The following STAT3 variants were observed in gnomAD, a reference collection of about 807,000 sequenced individuals.
STAT3 encodes the protein signal transducer and activator of transcription 3.
STAT3 carries 7 observed loss-of-function variants against 114.3 expected under a neutral mutation model. The ratio of observed to expected loss-of-function variants is 0.06; its 90% confidence interval spans 0.03 to 0.11. The LOEUF is 0.11. STAT3 is among the 10% of genes least tolerant of loss of function. The probability of loss-of-function intolerance (pLI) is 1.00; values close to 1 mark genes in which losing one functional copy is unlikely to be tolerated. For missense variants in STAT3, 364 were observed against 960.9 expected (o/e 0.38, Z 8.21); for synonymous variants, 331 against 354.5 (o/e 0.93, Z 0.74).
intron 20 of STAT3, among the ~76,000 whole-genome samples, chr17:42,322,712 A>C (rs1489897862): frequency 1.3e-5 from 2 of 152,274 alleles, no homozygotes; most frequent in African/African-American, 4.8e-5. Flanking sequence ...ATAAACTTGA[A>C]TATAACTACT....
intron 15 of STAT3, 73 bp from the exon 16 acceptor site, chr17:42,325,134 TC>T: frequency 3.5e-6 from 5 of 1,418,640 alleles, no homozygotes; most frequent in Non-Finnish European, 5.0e-6. Context: ...TTCACCCGCA[TC>T]TCACGGGGCT....
At chr17:42,332,329 G>A (rs539255565) in intron 10 of STAT3, among the ~76,000 whole-genome samples, 1 of 151,098 alleles carries the variant, frequency 6.6e-6, no homozygotes, top group Non-Finnish European at 1.5e-5. Context: ...CACAAGGTCA[G>A]GAGTTCGAGA....
intron 1 of STAT3, among the ~76,000 whole-genome samples, chr17:42,350,707 A>T (rs1227527598): frequency 6.6e-6 from 1 of 152,216 alleles, no homozygotes; most frequent in Non-Finnish European, 1.5e-5. Context: ...TCAAGCATAT[A>T]TTCAGGGAAG....
chr17:42,325,394 A>AT (rs2081661249), intron 15 of STAT3, among the ~76,000 whole-genome samples: 1 of 152,114 alleles, frequency 6.6e-6, no homozygotes, highest in Non-Finnish European at 1.5e-5. Context: ...TCTTCACATG[A>AT]AACAGGGAGG....
At position 42,337,033 on chromosome 17, in the gene STAT3, C is replaced by T. The variant is rs963636129; in HGVS notation, c.797+402G>A. Among the ~76,000 whole-genome samples the T allele has an allele frequency of 4.0e-5, 6 of 151,776 alleles. No homozygotes were observed. Among genetic ancestry groups the T allele is most frequent in the South Asian group, 2.1e-4 (1 of 4,812 alleles). On this transcript the variant is annotated intron_variant, in intron 8 of 23. Coordinates refer to ENST00000264657, the MANE Select transcript of STAT3 (RefSeq NM_139276.3). This position sits in a 1 kb window ranked among gnomAD's most constrained non-coding sequence, Gnocchi z 4.0. ...TCTGTCTCCCAGGCTGGTTGGTGTG[C>T]GGTAGTAAGATCTCCGCTCACTGCA...
At chr17:42,359,426 T>G (rs1288387373) in intron 1 of STAT3, among the ~76,000 whole-genome samples, 2 of 152,026 alleles carry the variant, frequency 1.3e-5, no homozygotes, top group Non-Finnish European at 2.9e-5. Flanking sequence ...GCATGTTAAT[T>G]TAAGGAGAGA....
chr17:42,316,796 C>T lies in STAT3; in HGVS notation c.2250G>A (p.Gly750=), dbSNP rs1382657069. The part of the protein sequence containing the change: ...NGEGAEPSAG[G]QFESLTFDME... Reference sequence around the variant, plus strand: ...TGTCAACCAAATACTCACCAAACTGCCCTCCTGCTGAGGGTTCAGCACCTT... The same window carrying T: ...TGTCAACCAAATACTCACCAAACTGTCCTCCTGCTGAGGGTTCAGCACCTT... The change falls in exon 23 of 24, where the codon GGG becomes GGA. Residue 750 remains glycine (G), a synonymous_variant. Coordinates refer to ENST00000264657, the MANE Select transcript of STAT3 (RefSeq NM_139276.3). 2 of 1,613,846 alleles carry T rather than the reference C, an allele frequency of 1.2e-6. No individual in the cohort carries two copies. The highest frequency in any genetic ancestry group is 3.3e-4 in the Middle Eastern group (2 of 6,062).
At chr17:42,370,391 G>A (rs1053336479) in intron 1 of STAT3, among the ~76,000 whole-genome samples, 13 of 151,156 alleles carry the variant, frequency 8.6e-5, no homozygotes, top group East Asian at 2.0e-4. Context: ...GATTACAGGC[G>A]CCTGCCACCA....
intron 1 of STAT3, among the ~76,000 whole-genome samples, chr17:42,381,568 A>AT (rs894429210): frequency 1.3e-5 from 2 of 149,684 alleles, no homozygotes; most frequent in African/African-American, 2.4e-5. Flanking sequence ...TACTAAAAAT[A>AT]TAAAAAAAAA....
intron 1 of STAT3, among the ~76,000 whole-genome samples, chr17:42,366,071 T>C (rs2083772180): frequency 6.6e-6 from 1 of 152,214 alleles, no homozygotes; most frequent in Non-Finnish European, 1.5e-5. Context: ...TTTATGTCTC[T>C]AGCCCCATCC....
chr17:42,382,642 CCTT>C (rs2084863221), intron 1 of STAT3, among the ~76,000 whole-genome samples: 1 of 151,582 alleles, frequency 6.6e-6, no homozygotes, highest in Non-Finnish European at 1.5e-5. Flanking sequence ...TTGCGGTAAT[CCTT>C]TTTTTTTTCT....
At chr17:42,320,899 G>A (rs1455793170) in intron 21 of STAT3, among the ~76,000 whole-genome samples, 1 of 151,848 alleles carries the variant, frequency 6.6e-6, no homozygotes, top group African/African-American at 2.4e-5. Flanking sequence ...CCACACTGAG[G>A]ACAGCTGCAG....
chr17:42,382,376 A>C (rs2084847562), intron 1 of STAT3, among the ~76,000 whole-genome samples: 1 of 152,156 alleles, frequency 6.6e-6, no homozygotes, highest in African/African-American at 2.4e-5. Context: ...TACAGATAAG[A>C]AAATAGAGGC....
chr17:42,371,676 CAAAAAA>C (rs71359559), intron 1 of STAT3, among the ~76,000 whole-genome samples: 1 of 91,010 alleles, frequency 1.1e-5, no homozygotes, highest in African/African-American at 4.4e-5. Context: ...AACTCTGTCT[CAAAAAA>C]AAAAAAAAAA....
rs761802498 is a variant in STAT3, at chr17:42,316,886, A to G, written c.2160T>C (p.Asn720=). 6.2e-7 allele frequency: 1 copy of G among 1,611,986 alleles called. No homozygotes were observed. The highest frequency in any genetic ancestry group is 1.7e-5 in the Admixed American group (1 of 59,710). ...GGGGGGACATCGGCAGGTCAATGGT[A>G]TTGCTGCAGGTCGTTCTGTAGGAAA... ...FICVTPTTCS[N]TIDLPMSPRT... The change falls in exon 23 of 24, where the codon AAT becomes AAC. Residue 720 remains asparagine, a synonymous_variant. Coordinates refer to ENST00000264657, the MANE Select transcript of STAT3 (RefSeq NM_139276.3).
chr17:42,336,507 A>C (rs2082235323), intron 8 of STAT3, among the ~76,000 whole-genome samples: 1 of 152,068 alleles, frequency 6.6e-6, no homozygotes, highest in African/African-American at 2.4e-5. Context: ...CTAAGGTGGG[A>C]AGACTGCCTG....
intron 21 of STAT3, among the ~76,000 whole-genome samples, chr17:42,319,316 A>T (rs533431002): frequency 8.5e-4 from 130 of 152,100 alleles, no homozygotes; most frequent in African/African-American, 3.0e-3. Context: ...CCCAGGCGGG[A>T]AGATCACTTG....
intron 4 of STAT3, chr17:42,345,328 T>G (rs1240626782): frequency 5.7e-6 from 3 of 524,160 alleles, no homozygotes; most frequent in Non-Finnish European, 1.0e-5. Flanking sequence ...TTTAAACCAT[T>G]GGGTCTGTTG....
At chr17:42,317,135 T>C in intron 22 of STAT3, 47 bp downstream of exon 22, 4 of 1,613,146 alleles carry the variant, frequency 2.5e-6, no homozygotes, top group Non-Finnish European at 3.4e-6. Flanking sequence ...CAGGGATAAC[T>C]GAGGATATTA....
Sources: gnomAD v4.1 joint callset for allele counts (sites outside exome capture counted in the v4.1 genomes callset) on GRCh38, gnomAD v4.1.1 for gene constraint, Gnocchi (gnomAD v3.1) non-coding constraint, MANE v1.5 for transcripts, NCBI Gene and HGNC (gene_info 2026-07-23, HGNC 2026-07-21) for gene names.